Variants in TP63 observed in about 807,000 individuals in gnomAD.
The protein encoded by TP63 is tumor protein 63.
Under a neutral mutation model 82.8 loss-of-function variants are expected in TP63, and 17 were observed. The observed-to-expected ratio is 0.21, with a 90% CI of 0.14 to 0.31. TP63 has a LOEUF of 0.31. TP63 is among the 10% of genes least tolerant of loss of function. The pLI, the probability that TP63 is intolerant of heterozygous loss-of-function variation, is 1.00. For synonymous variants in TP63, 330 were observed against 321.7 expected (o/e 1.03, Z -0.28); for missense variants, 648 against 895.3 (o/e 0.72, Z 3.52).
At chr3:189,660,098 T>G (rs950022696) in intron 1 of TP63, among the ~76,000 whole-genome samples, 2 of 152,092 alleles carry the variant, frequency 1.3e-5, no homozygotes, top group Non-Finnish European at 2.9e-5. Context: ...TGCAATTGCT[T>G]TTGAGGACTT....
At chr3:189,725,522 A>G (rs1054721525) in intron 1 of TP63, among the ~76,000 whole-genome samples, 2 of 152,192 alleles carry the variant, frequency 1.3e-5, no homozygotes, top group African/African-American at 4.8e-5. Context: ...CATTTTAAAG[A>G]CTCTGATTTA....
At chr3:189,745,910 TACATA>T (rs1721342075) in intron 3 of TP63, among the ~76,000 whole-genome samples, 1 of 151,684 alleles carries the variant, frequency 6.6e-6, no homozygotes, top group Non-Finnish European at 1.5e-5. Context: ...AATCAAAGCA[TACATA>T]ACATATAAGA....
At chr3:189,638,482 G>C (rs1169531995) in intron 1 of TP63, among the ~76,000 whole-genome samples, 4 of 152,062 alleles carry the variant, frequency 2.6e-5, no homozygotes, top group Non-Finnish European at 5.9e-5. Flanking sequence ...TTGAAACAGT[G>C]ATTCTTATTA....
intron 3 of TP63, among the ~76,000 whole-genome samples, chr3:189,785,823 A>G (rs1215851426): frequency 1.3e-5 from 2 of 152,068 alleles, no homozygotes; most frequent in African/African-American, 4.8e-5. Flanking sequence ...ATGAAGTTAT[A>G]TAGTGAGGGA....
chr3:189,844,173 CTT>C (rs199967815), intron 4 of TP63: 896 of 330,672 alleles, frequency 2.7e-3, no homozygotes, highest in Admixed American at 5.1e-3. Flanking sequence ...TTTCCTTTTT[CTT>C]TTTTTTTTTT....
At chr3:189,782,481 A>G (rs1228064529) in intron 3 of TP63, among the ~76,000 whole-genome samples, 1 of 152,182 alleles carries the variant, frequency 6.6e-6, no homozygotes, top group Non-Finnish European at 1.5e-5. Flanking sequence ...ATTCAAACAT[A>G]AGACAATACA....
intron 4 of TP63, among the ~76,000 whole-genome samples, chr3:189,855,138 A>C (rs1158122347): frequency 6.6e-6 from 1 of 152,152 alleles, no homozygotes; most frequent in Non-Finnish European, 1.5e-5. Context: ...GGAGATCCTA[A>C]AGTAAGACTT....
chr3:189,703,290 T>G (rs952788256), intron 1 of TP63, among the ~76,000 whole-genome samples: 2 of 152,110 alleles, frequency 1.3e-5, no homozygotes, highest in African/African-American at 4.8e-5. Context: ...AAAAATTAGC[T>G]GGTCGTGGGG....
chr3:189,729,050 G>C (rs902674398), intron 1 of TP63, among the ~76,000 whole-genome samples: 1 of 152,152 alleles, frequency 6.6e-6, no homozygotes, highest in Non-Finnish European at 1.5e-5. Flanking sequence ...CACAAAAGGA[G>C]TAACCTAATG....
At chr3:189,825,211 A>G (rs1223422795) in intron 4 of TP63, among the ~76,000 whole-genome samples, 1 of 152,202 alleles carries the variant, frequency 6.6e-6, no homozygotes, top group Admixed American at 6.5e-5. Context: ...TAATTTTTAA[A>G]ATGATTTATA....
chr3:189,767,980 A>G (rs1443900361), intron 3 of TP63, among the ~76,000 whole-genome samples: 2 of 152,206 alleles, frequency 1.3e-5, no homozygotes, highest in African/African-American at 4.8e-5. Flanking sequence ...GAATAATAAT[A>G]CATATGTGAA....
the TP63 span, among the ~76,000 whole-genome samples, chr3:189,607,732 T>C: frequency 1.3e-5 from 2 of 152,074 alleles, no homozygotes; most frequent in Non-Finnish European, 1.5e-5. Context: ...AAATGTATAC[T>C]TTTAAGCCAA....
In TP63 at chr3:189,886,394, G is replaced by T; in HGVS notation, c.1350G>T (p.Gln450His). The change falls in exon 11 of 14, where the codon CAG (glutamine) becomes CAT (histidine). Residue 450 changes from glutamine (Q) to histidine (H), a missense_variant and splice_region_variant. Around this residue, in one of 5 missense-constraint regions of TP63, gnomAD observed 342 missense variants for 425.7 expected, o/e 0.80. Transcript: ENST00000264731. ...QQQHQHLLQK[Q>H]TSIQSPSSYG... ...ATTATTTCCATGTTTGTCTTCCTAG[G>T]ACCTCAATACAGTCTCCATCTTCAT... The T allele has an allele frequency of 6.2e-7, 1 of 1,613,894 alleles. No individual in the cohort carries two copies. The highest frequency in any genetic ancestry group is 1.1e-5 in the South Asian group (1 of 91,032).
At chr3:189,782,111 T>G (rs1392544035) in intron 3 of TP63, among the ~76,000 whole-genome samples, 1 of 152,200 alleles carries the variant, frequency 6.6e-6, no homozygotes, top group African/African-American at 2.4e-5. Flanking sequence ...TGCCCTTTCA[T>G]GCATGATCCT....
At chr3:189,880,790 T>C in intron 10 of TP63, 1 of 985,442 alleles carries the variant, frequency 1.0e-6, no homozygotes. Flanking sequence ...GAGAGTTCTT[T>C]GTGAGAACTT....
At chr3:189,756,319 G>T (rs1362355422) in intron 3 of TP63, among the ~76,000 whole-genome samples, 1 of 152,156 alleles carries the variant, frequency 6.6e-6, no homozygotes, top group Non-Finnish European at 1.5e-5. Context: ...AGCTACCTAT[G>T]TGGCTTATAG....
chr3:189,663,232 A>G (rs1244326901), intron 1 of TP63, among the ~76,000 whole-genome samples: 2 of 152,120 alleles, frequency 1.3e-5, no homozygotes, highest in Non-Finnish European at 1.5e-5. Context: ...TGAGTTCTGT[A>G]CAATAGTGAT....
intron 4 of TP63, among the ~76,000 whole-genome samples, chr3:189,840,359 CTTTTTTTTTTTTTT>C: frequency 2.2e-5 from 1 of 44,448 alleles, no homozygotes; most frequent in Non-Finnish European, 3.9e-5. Context: ...TGCTTTTCGT[CTTTTTTTTTTTTTT>C]TTTTTTTTTT....
intron 3 of TP63, among the ~76,000 whole-genome samples, chr3:189,801,287 ATCTCT>A (rs1231002939): frequency 6.6e-6 from 1 of 152,126 alleles, no homozygotes; most frequent in Non-Finnish European, 1.5e-5. Context: ...TAGATTGAAA[ATCTCT>A]TCAAACATAT....
Sources: allele counts gnomAD v4.1 joint callset (sites outside exome capture counted in the v4.1 genomes callset), GRCh38; gene constraint gnomAD v4.1.1; regional missense constraint gnomAD v4.1.1; transcripts MANE v1.5; gene names NCBI Gene and HGNC (gene_info 2026-07-23, HGNC 2026-07-21).